ZNF273: variants seen among roughly 807,000 people sequenced by gnomAD.
ZNF273 encodes zinc finger protein 9.
ZNF273 carries 11 observed loss-of-function variants against 14.9 expected under a neutral mutation model. The ratio of observed to expected loss-of-function variants is 0.74; its 90% confidence interval spans 0.46 to 1.22. The LOEUF (loss-of-function observed/expected upper bound fraction) is 1.22, where lower values mean the gene tolerates loss of function less well. Ranked by LOEUF, ZNF273 falls within the 50% of genes most tolerant of loss-of-function variation. The pLI, the probability that ZNF273 is intolerant of heterozygous loss-of-function variation, is 0.00. For missense variants in ZNF273, 577 were observed against 660.6 expected (o/e 0.87, Z 1.39); for synonymous variants, 199 against 223.9 (o/e 0.89, Z 0.99).
intron 1 of ZNF273, among the ~76,000 whole-genome samples, chr7:64,916,565 A>C (rs76401107): frequency 7.0e-6 from 1 of 142,432 alleles, no homozygotes; most frequent in Admixed American, 7.0e-5. Flanking sequence ...AAAAAAAAAA[A>C]CCATACACAC....
intron 1 of ZNF273, among the ~76,000 whole-genome samples, chr7:64,912,210 C>T (rs1178862356): frequency 6.6e-6 from 1 of 152,170 alleles, no homozygotes; most frequent in African/African-American, 2.4e-5. Context: ...TCGCCCGCCT[C>T]GGCCTCCCAA....
At chr7:64,936,645 TCAAA>T in the ZNF273 span, among the ~76,000 whole-genome samples, 3 of 152,236 alleles carry the variant, frequency 2.0e-5, no homozygotes, top group Admixed American at 2.0e-4. Flanking sequence ...CACTTAAATG[TCAAA>T]CAAATTTTAT....
At chr7:64,920,029 C>T (rs1794312643) in intron 3 of ZNF273, among the ~76,000 whole-genome samples, 1 of 151,884 alleles carries the variant, frequency 6.6e-6, no homozygotes, top group Non-Finnish European at 1.5e-5. Flanking sequence ...GAAACAAACA[C>T]ATCTTCAAGT....
upstream of ZNF273, among the ~76,000 whole-genome samples, chr7:64,902,895 G>A (rs572154903): frequency 2.0e-5 from 3 of 152,304 alleles, no homozygotes; most frequent in East Asian, 5.8e-4. Context: ...AGAATGGAAG[G>A]CAGGTTTGCC....
chr7:64,909,765 G>T (rs1793359649), intron 1 of ZNF273, among the ~76,000 whole-genome samples: 1 of 152,020 alleles, frequency 6.6e-6, no homozygotes, highest in South Asian at 2.1e-4. Context: ...CTTTCACAGT[G>T]GTTGAACTAA....
chr7:64,912,826 G>GTTTTTTGTTTTTTTTTTTTTTTTTT, intron 1 of ZNF273, among the ~76,000 whole-genome samples: 1 of 36,568 alleles, frequency 2.7e-5, no homozygotes, highest in Non-Finnish European at 5.7e-5. Flanking sequence ...ATTCATTTTA[G>GTTTTTTGTTTTTTTTTTTTTTTTTT]TTTTTTTTTT....
At chr7:64,932,650 G>A (rs935369157), downstream of ZNF273, among the ~76,000 whole-genome samples, 2 of 152,042 alleles carry the variant, frequency 1.3e-5, no homozygotes, top group African/African-American at 2.4e-5. Flanking sequence ...GACTCGGCAC[G>A]GTGGCTCATG....
Position 64,928,281 on chromosome 7 carries a change from A to G in ZNF273, c.953A>G (p.Tyr318Cys), listed in dbSNP as rs746171826. Residue 318 changes from tyrosine to cysteine, a missense_variant, in exon 4 of 4, where the codon TAC becomes TGC. Transcript: ENST00000476120. ...ATAATTCATACAGGAACAAAACCCT[A>G]CAATTGTGAAGAATGTGGCAAAGGC... ...HKIIHTGTKPYNCEECGKGFS... is the reference protein window; with the variant it reads ...HKIIHTGTKPCNCEECGKGFS... 3.1e-6 allele frequency: 5 copies of G among 1,612,608 alleles called. No individual in the cohort carries two copies. The highest frequency in any genetic ancestry group is 4.2e-6 in the Non-Finnish European group (5 of 1,179,540).
upstream of ZNF273, chr7:64,877,659 G>T (rs1203024513): frequency 2.6e-5 from 4 of 152,328 alleles, no homozygotes; most frequent in African/African-American, 9.6e-5. Flanking sequence ...CTCTGTGGAC[G>T]TGCATCGCCG....
intron 1 of ZNF273, among the ~76,000 whole-genome samples, chr7:64,905,657 A>G (rs1015281277): frequency 6.6e-6 from 1 of 152,212 alleles, no homozygotes; most frequent in African/African-American, 2.4e-5. Flanking sequence ...AAGAACTTGC[A>G]AACTAAAATG....
At position 64,928,901 on chromosome 7, in the gene ZNF273, C is replaced by T. The variant is rs769759018; in HGVS notation, c.1573C>T (p.Arg525Trp). The change falls in exon 4 of 4, where the codon CGG (arginine) becomes TGG (tryptophan). Residue 525 changes from arginine to tryptophan, a missense_variant. Arg to Trp is a moderately radical substitution (Grantham distance 101). This residue lies in a region of ZNF273 where 411 missense variants were observed against 440.4 expected (regional missense o/e 0.93). Coordinates refer to ENST00000476120, the MANE Select transcript of ZNF273 (RefSeq NM_021148.3). ...TGAAGAATGTGGCAAAGCTTTTAAC[C>T]GGTCCTCAAACCTTACTCGACATAA... The part of the protein sequence containing the change: ...KCEECGKAFN[R>W]SSNLTRHKKI... 9.9e-6 allele frequency: 16 copies of T among 1,613,730 alleles called. No homozygotes were observed. Among genetic ancestry groups the T allele is most frequent in the African/African-American group, 1.3e-5 (1 of 74,888 alleles).
rs746057741 is a variant in ZNF273, at chr7:64,928,988, A to G, written c.1660A>G (p.Thr554Ala). The G allele has an allele frequency of 4.4e-6, 7 of 1,579,616 alleles. No individual in the cohort carries two copies. Among genetic ancestry groups the G allele is most frequent in the Non-Finnish European group, 6.0e-6 (7 of 1,166,176 alleles). The change falls in exon 4 of 4, where the codon ACC becomes GCC. Residue 554 changes from threonine to alanine, a missense_variant. Physicochemically the swap from Thr to Ala is moderately conservative, Grantham distance 58. Transcript: ENST00000476120. ...AAGATGTGACAGTGCTTTTGACAAC[A>G]CCCCAAACTTTTCTAGACATAAAAG... ...PKRCDSAFDN[T>A]PNFSRHKRNH...
chr7:64,927,020 C>G (rs1782968007), intron 3 of ZNF273, among the ~76,000 whole-genome samples: 1 of 152,142 alleles, frequency 6.6e-6, no homozygotes, highest in African/African-American at 2.4e-5. Context: ...TGGAAAGGCC[C>G]CTAGAAGTCT....
chr7:64,928,007 ACTG>A lies in ZNF273; in HGVS notation c.682_684del (p.Ala228del). The A allele has an allele frequency of 6.2e-7, 1 of 1,614,032 alleles. No homozygotes were observed. Among genetic ancestry groups the A allele is most frequent in the Non-Finnish European group, 8.5e-7 (1 of 1,179,940 alleles). On this transcript the variant is annotated inframe_deletion, in exon 4 of 4. Coordinates refer to ENST00000476120, the MANE Select transcript of ZNF273 (RefSeq NM_021148.3). ...TTCACAACTAACTCAGCATAAGAAA[ACTG>A]CTACTAGAGTGAATTTCTACAAATG...
At chr7:64,915,428 G>C (rs2129076817) in intron 1 of ZNF273, among the ~76,000 whole-genome samples, 1 of 152,376 alleles carries the variant, frequency 6.6e-6, no homozygotes, top group Middle Eastern at 3.4e-3. Flanking sequence ...CAGCAAGCCA[G>C]TGATAAGCAT....
Position 64,928,496 on chromosome 7 carries a change from A to G in ZNF273, c.1168A>G (p.Thr390Ala). The change falls in exon 4 of 4, where the codon ACT becomes GCT. Residue 390 changes from threonine (T) to alanine (A), a missense_variant. By Grantham distance (58) the Thr-to-Ala change is moderately conservative (BLOSUM62 0). Around this residue, in one of 3 missense-constraint regions of ZNF273, gnomAD observed 411 missense variants for 440.4 expected, o/e 0.93. Transcript: ENST00000476120. ...GKAFNQSSTLTRHKIVHTGEK... is the reference protein window; with the variant it reads ...GKAFNQSSTLARHKIVHTGEK... ...AGCTTTTAACCAGTCCTCAACCCTT[A>G]CTAGACATAAGATAGTTCATACTGG... is the stretch of plus-strand genomic sequence containing the variant. 4 of 1,613,876 alleles carry G rather than the reference A, an allele frequency of 2.5e-6. No homozygotes were observed. The highest frequency in any genetic ancestry group is 2.5e-6 in the Non-Finnish European group (3 of 1,179,944).
chr7:64,915,309 G>A (rs1698625815), intron 1 of ZNF273, among the ~76,000 whole-genome samples: 1 of 149,924 alleles, frequency 6.7e-6, no homozygotes, highest in Admixed American at 6.6e-5. Context: ...CGGCGCTAGA[G>A]GAATTAAAGA....
exon 2 of ZNF273, chr7:64,888,598 C>T: frequency 1.0e-6 from 1 of 985,882 alleles, no homozygotes; most frequent in Non-Finnish European, 1.2e-6. Flanking sequence ...GCCCGCCCTC[C>T]ACCTTCTCCA....
chr7:64,886,692 A>G (rs1320766515), intron 1 of ZNF273, among the ~76,000 whole-genome samples: 1 of 152,226 alleles, frequency 6.6e-6, no homozygotes. Flanking sequence ...AAGGTGGTGA[A>G]GGATCTTAAC....
Sources: gnomAD v4.1 joint callset for allele counts (sites outside exome capture counted in the v4.1 genomes callset) on GRCh38, gnomAD v4.1.1 for gene constraint, gnomAD v4.1.1 regional missense constraint, MANE v1.5 for transcripts, NCBI Gene and HGNC (gene_info 2026-07-23, HGNC 2026-07-21) for gene names.